ASAP3: variants seen among roughly 807,000 people sequenced by gnomAD.
ASAP3 encodes the protein arf-GAP with SH3 domain, ANK repeat and PH domain-containing protein 3.
A neutral mutation model predicts 118.2 loss-of-function variants in ASAP3; 85 were observed. That is an observed-to-expected ratio of 0.72 (90% confidence interval 0.60 to 0.86). The LOEUF (loss-of-function observed/expected upper bound fraction) is 0.86. Ranked by LOEUF, ASAP3 falls within the 40% of genes least tolerant of loss-of-function variation. The pLI is 0.00. For synonymous variants in ASAP3, 432 were observed against 477.4 expected, an observed-to-expected ratio of 0.90 and a Z score of 1.24; for missense variants, 1,026 against 1,175.0, an observed-to-expected ratio of 0.87 and a Z score of 1.85.
intron 1 of ASAP3, among the ~76,000 whole-genome samples, chr1:23,464,079 C>T (rs1430351040): frequency 6.6e-6 from 1 of 151,778 alleles, no homozygotes; most frequent in Non-Finnish European, 1.5e-5. Context: ...TCCCTCCTAT[C>T]ATCCCAGCAC....
chr1:23,484,203 C>T (rs1033474347), upstream of ASAP3: 4 of 1,208,608 alleles, frequency 3.3e-6, no homozygotes, highest in African/African-American at 6.3e-5. Flanking sequence ...CTGAGCCGGC[C>T]TCACCGCCGG....
intron 1 of ASAP3, 108 bp downstream of exon 1, chr1:23,483,897 G>C (rs2148671179): frequency 8.7e-7 from 1 of 1,146,218 alleles, no homozygotes; most frequent in South Asian, 4.1e-5. Flanking sequence ...GAGGGGGCAG[G>C]TTTCGGGGCG....
At chr1:23,484,248 C>T, upstream of ASAP3, 1 of 1,022,606 alleles carries the variant, frequency 9.8e-7, no homozygotes, top group Non-Finnish European at 1.2e-6. Flanking sequence ...CACGCCCCGC[C>T]CCTCCGCACG....
intron 5 of ASAP3, among the ~76,000 whole-genome samples, chr1:23,449,348 T>G (rs1298604572): frequency 6.6e-6 from 1 of 152,204 alleles, no homozygotes; most frequent in Non-Finnish European, 1.5e-5. Flanking sequence ...GAAACAGACC[T>G]GTACATGGAA....
intron 1 of ASAP3, among the ~76,000 whole-genome samples, chr1:23,462,811 A>T (rs1332490051): frequency 3.9e-5 from 6 of 152,174 alleles, no homozygotes; most frequent in Admixed American, 2.6e-4. Context: ...TCATCATTGA[A>T]GGGAAGAAAA....
chr1:23,455,857 G>A (rs2148636938), intron 3 of ASAP3, 24 bp downstream of exon 3: 3 of 1,613,606 alleles, frequency 1.9e-6, no homozygotes, highest in Admixed American at 1.7e-5. Flanking sequence ...CTGAGTCTGG[G>A]CAAGGAAGAG....
In ASAP3 at chr1:23,484,091, C is replaced by T. The variant is rs1200670115; in HGVS notation, c.43G>A (p.Ala15Thr). 2.2e-6 allele frequency: 3 copies of T among 1,345,354 alleles called. No homozygotes were observed. The highest frequency in any genetic ancestry group is 1.9e-5 in the South Asian group (1 of 52,162). 83.3% of individuals were successfully genotyped at this position (1,345,354 alleles called of 1,614,324 possible). Reference protein sequence around the residue: ...FSVAEFLAVTAEDLSSPAGAA... With the variant: ...FSVAEFLAVTTEDLSSPAGAA... The stretch of plus-strand genomic sequence containing the variant: ...CCAGCCGGGGAGCTGAGGTCCTCCG[C>T]GGTGACGGCCAGGAACTCGGCGACG... The change falls in exon 1 of 25, where the codon GCG becomes ACG. Residue 15 changes from alanine (A) to threonine (T), a missense_variant. Coordinates refer to ENST00000336689, the MANE Select transcript of ASAP3 (RefSeq NM_017707.4).
intron 1 of ASAP3, among the ~76,000 whole-genome samples, chr1:23,463,987 GGTTT>G (rs1321242398): frequency 1.3e-5 from 2 of 151,964 alleles, no homozygotes; most frequent in East Asian, 3.9e-4. Context: ...TTCTTACTGT[GGTTT>G]GTTTTCTGCC....
At chr1:23,469,849 G>T (rs1641903444) in intron 1 of ASAP3, among the ~76,000 whole-genome samples, 2 of 152,312 alleles carry the variant, frequency 1.3e-5, no homozygotes, top group South Asian at 4.1e-4. Context: ...AGAGACCTCT[G>T]CCTCCAGAGC....
At chr1:23,483,924 C>A in intron 1 of ASAP3, 81 bp downstream of exon 1, 1 of 1,214,532 alleles carries the variant, frequency 8.2e-7, no homozygotes, top group Non-Finnish European at 1.0e-6. Context: ...AGGGCCATCG[C>A]AGCTCGGGTG....
At chr1:23,447,965 A>G (rs965431620) in intron 5 of ASAP3, among the ~76,000 whole-genome samples, 3 of 152,226 alleles carry the variant, frequency 2.0e-5, no homozygotes, top group Non-Finnish European at 4.4e-5. Flanking sequence ...GAGATGACCT[A>G]ATAGCTGGGG....
At chr1:23,462,495 G>A (rs563892512) in intron 1 of ASAP3, among the ~76,000 whole-genome samples, 9 of 151,654 alleles carry the variant, frequency 5.9e-5, no homozygotes, top group African/African-American at 1.7e-4. Flanking sequence ...AATCTCAGCC[G>A]GGCACAGTGG....
At chr1:23,450,965 G>A (rs2148629633) in intron 5 of ASAP3, among the ~76,000 whole-genome samples, 1 of 152,208 alleles carries the variant, frequency 6.6e-6, no homozygotes, top group Non-Finnish European at 1.5e-5. Context: ...AGTATCGTGT[G>A]GTGTGCACAG....
chr1:23,481,513 T>C (rs1018353361), intron 1 of ASAP3, among the ~76,000 whole-genome samples: 6 of 152,136 alleles, frequency 3.9e-5, no homozygotes, highest in African/African-American at 1.4e-4. Flanking sequence ...GTTCAGACTC[T>C]AACTTTTTGG....
intron 1 of ASAP3, among the ~76,000 whole-genome samples, chr1:23,472,479 A>G (rs1471382564): frequency 6.6e-6 from 1 of 152,142 alleles, no homozygotes; most frequent in Non-Finnish European, 1.5e-5. Flanking sequence ...TGGCCTCAGC[A>G]AATGTTTGAC....
At chr1:23,430,069 G>T in intron 24 of ASAP3, 139 bp from the exon 25 acceptor site, 1 of 755,180 alleles carries the variant, frequency 1.3e-6, no homozygotes, top group Non-Finnish European at 2.1e-6. Flanking sequence ...TGAGGCTTGA[G>T]GAAGTGAAGC....
chr1:23,437,126 C>T lies in ASAP3; in HGVS notation c.1342+4G>A, dbSNP rs968256598. 5 of 1,602,324 alleles carry T rather than the reference C, an allele frequency of 3.1e-6. No individual in the cohort carries two copies. Among genetic ancestry groups the T allele is most frequent in the East Asian group, 2.3e-5 (1 of 44,406 alleles). On this transcript the variant is annotated splice_donor_region_variant and intron_variant, in intron 14 of 24. Transcript: ENST00000336689. The surrounding 1 kb of genome is among the most constrained non-coding windows in gnomAD (Gnocchi z 6.1). The stretch of plus-strand genomic sequence containing the variant: ...TCCCTCCTGCCCCGGCCCCGGGGAC[C>T]GACCTGCAGCCCCGCAGTCGCAGCA...
At chr1:23,465,858 A>G (rs2148651569) in intron 1 of ASAP3, among the ~76,000 whole-genome samples, 1 of 152,248 alleles carries the variant, frequency 6.6e-6, no homozygotes, top group African/African-American at 2.4e-5. Flanking sequence ...TTCTTTCCCC[A>G]TCTCTAAGCT....
chr1:23,450,086 C>T (rs1257232398), intron 5 of ASAP3, among the ~76,000 whole-genome samples: 1 of 152,238 alleles, frequency 6.6e-6, no homozygotes, highest in African/African-American at 2.4e-5. Context: ...ACAGTGTCTA[C>T]ACCCTTCATC....
Sources: allele counts gnomAD v4.1 joint callset (sites outside exome capture counted in the v4.1 genomes callset), GRCh38; gene constraint gnomAD v4.1.1; non-coding constraint Gnocchi (gnomAD v3.1); transcripts MANE v1.5; gene names NCBI Gene and HGNC (gene_info 2026-07-23, HGNC 2026-07-21).